SLX4: variants seen among roughly 807,000 people sequenced by gnomAD.
The protein encoded by SLX4 is structure-specific endonuclease subunit SLX4.
In SLX4, 112 loss-of-function variants were observed where a neutral mutation model predicts 146.2. The ratio of observed to expected loss-of-function variants is 0.77; its 90% confidence interval spans 0.66 to 0.90. The LOEUF (loss-of-function observed/expected upper bound fraction) is 0.90. Among genes scored for constraint, SLX4 ranks in the 40% least tolerant of loss-of-function variants. The pLI is 0.00. For missense variants in SLX4, 2,563 were observed against 2,392.7 expected (o/e 1.07, Z -1.49); for synonymous variants, 1,061 against 997.7 (o/e 1.06, Z -1.20).
Position 3,582,345 on chromosome 16 carries a change from GT to G in SLX4, c.5501del (p.Asn1834ThrfsTer49). Reference protein sequence around the residue: ...QPRGKKKVERN With the variant: ...QPRGKKKVERX ...GGGTGGGGTCGGGATGGCCCCATCA[GT>G]TCCGCTCCACCTTCTTCTTGCCCCG... On this transcript the variant is annotated frameshift_variant, in exon 15 of 15. Transcript: ENST00000294008. LOFTEE classifies it high-confidence loss of function. 3 of 1,610,934 alleles carry G rather than the reference GT, an allele frequency of 1.9e-6. No homozygotes were observed. The highest frequency in any genetic ancestry group is 2.5e-6 in the Non-Finnish European group (3 of 1,179,922).
In SLX4 at chr16:3,589,723, T is replaced by G; in HGVS notation, c.3915A>C (p.Ala1305=). The G allele has an allele frequency of 6.2e-7, 1 of 1,613,956 alleles. No homozygotes were observed. The highest frequency in any genetic ancestry group is 1.6e-4 in the Middle Eastern group (1 of 6,062). Residue 1305 remains alanine (A), a synonymous_variant, in exon 12 of 15, where the codon GCA becomes GCC. Coordinates refer to ENST00000294008, the MANE Select transcript of SLX4 (RefSeq NM_032444.4). The surrounding 1 kb of genome is among the most constrained non-coding windows in gnomAD (Gnocchi z 6.2). ...SVGNREGNEV[A]QKFSVIRPQT... ...GGGGCCTGATGACAGAAAACTTCTG[T>G]GCGACTTCGTTCCCTTCCCTGTTTC...
rs773890423 is a variant in SLX4 at position 3,590,472 on chromosome 16, G to T, written c.3166C>A (p.Leu1056Met). The T allele has an allele frequency of 5.0e-6, 8 of 1,614,158 alleles. No homozygotes were observed. The Admixed American group carries it at 1.3e-4, about 27-fold the overall frequency. Residue 1056 changes from leucine to methionine, a missense_variant, in exon 12 of 15, where the codon CTG (leucine) becomes ATG (methionine). Coordinates refer to ENST00000294008, the MANE Select transcript of SLX4 (RefSeq NM_032444.4). This position sits in a 1 kb window ranked among gnomAD's most constrained non-coding sequence, Gnocchi z 4.8. ...CCGCCACGGGACCGGGGTGTTGACAGGGACGACCCACTTGTGTGATGAGAC... is the reference window on the plus strand; with the variant it reads ...CCGCCACGGGACCGGGGTGTTGACATGGACGACCCACTTGTGTGATGAGAC... ...RGSHHTSGSS[L>M]STPRSRGGTS...
intron 1 of SLX4, among the ~76,000 whole-genome samples, chr16:3,611,001 T>G (rs1279315787): frequency 6.6e-6 from 1 of 152,166 alleles, no homozygotes; most frequent in African/African-American, 2.4e-5. Context: ...TCTGTTGATA[T>G]GAACCTCACA....
Position 3,589,509 on chromosome 16 carries a change from A to T in SLX4, c.4129T>A (p.Ser1377Thr), listed in dbSNP as rs1471451210. ...TTCAGGAAGCTTGGCCCAGGCGGCG[A>T]GTGTTTCAGGAACCGCCTGCTGAAG... ...AHFSRRFLKH[S>T]PPGPSFLNQT... The change falls in exon 12 of 15, where the codon TCG becomes ACG. Residue 1377 changes from serine to threonine, a missense_variant. Ser to Thr is a moderately conservative substitution (Grantham distance 58). Coordinates refer to ENST00000294008, the MANE Select transcript of SLX4 (RefSeq NM_032444.4). This position sits in a 1 kb window ranked among gnomAD's most constrained non-coding sequence, Gnocchi z 6.2. The T allele has an allele frequency of 6.2e-7, 1 of 1,609,304 alleles. No homozygotes were observed. The highest frequency in any genetic ancestry group is 1.1e-5 in the South Asian group (1 of 91,026).
At chr16:3,602,957 G>A (rs941049140) in intron 3 of SLX4, among the ~76,000 whole-genome samples, 4 of 152,230 alleles carry the variant, frequency 2.6e-5, no homozygotes, top group Non-Finnish European at 4.4e-5. Context: ...TGCCCTGAAC[G>A]CCTCATAAAT....
rs759412447 is a variant in SLX4 at position 3,582,558 on chromosome 16, C to T, written c.5289G>A (p.Lys1763=). ...GCAGCACCTTCTGGTACAGGGCCGGCTTGGAGCGGATGTAGCACCTCAGCG... is the reference window on the plus strand; with the variant it reads ...GCAGCACCTTCTGGTACAGGGCCGGTTTGGAGCGGATGTAGCACCTCAGCG... ...DEALRCYIRS[K]PALYQKVLLY... The change falls in exon 15 of 15, where the codon AAG becomes AAA. Residue 1763 remains lysine (K), a synonymous_variant. Coordinates refer to ENST00000294008, the MANE Select transcript of SLX4 (RefSeq NM_032444.4). 6.8e-6 allele frequency: 11 copies of T among 1,613,872 alleles called. No individual in the cohort carries two copies. The Middle Eastern group carries it at 4.9e-4, about 73-fold the overall frequency.
chr16:3,599,029 G>C (rs936502050), intron 5 of SLX4, among the ~76,000 whole-genome samples: 1 of 152,164 alleles, frequency 6.6e-6, no homozygotes, highest in Non-Finnish European at 1.5e-5. Flanking sequence ...CCTTCTAAAC[G>C]GATCCACATA....
chr16:3,611,579 C>A lies in SLX4; in HGVS notation c.-622G>T, dbSNP rs1344797779. The A allele has an allele frequency of 1.3e-5, 2 of 152,388 alleles. No homozygotes were observed. The highest frequency in any genetic ancestry group is 2.4e-5 in the African/African-American group (1 of 41,472). 9.4% of individuals were successfully genotyped at this position (152,388 alleles called of 1,614,324 possible). A position where few individuals can be genotyped will look rare whatever the true frequency, so the allele number is the denominator to read the frequency against. On this transcript the variant is annotated 5_prime_UTR_variant, in exon 1 of 15. Coordinates refer to ENST00000294008, the MANE Select transcript of SLX4 (RefSeq NM_032444.4). Reference sequence around the variant, plus strand: ...TCCTACCTCCGGCGCCGCCGCGGCACCTTCTTAACGGAGACTCGCGCGCCT... The same window carrying A: ...TCCTACCTCCGGCGCCGCCGCGGCAACTTCTTAACGGAGACTCGCGCGCCT...
chr16:3,598,121 C>G, intron 5 of SLX4, 122 bp from the exon 6 acceptor site: 1 of 1,093,656 alleles, frequency 9.1e-7, no homozygotes, highest in Non-Finnish European at 1.4e-6. Flanking sequence ...ACCTGCCAGG[C>G]AGATGCGTCC....
In SLX4 at chr16:3,589,267, C is replaced by T. The variant is rs745485209; in HGVS notation, c.4371G>A (p.Arg1457=). 8 of 1,600,984 alleles carry T rather than the reference C, an allele frequency of 5.0e-6. No homozygotes were observed. The East Asian group carries it at 1.6e-4, about 31-fold the overall frequency. ...GPLSTSSPSR[R]MNEAADSRDC... Reference sequence around the variant, plus strand: ...CACGGCTGTCGGCGGCCTCGTTCATCCTGCGGCTGGGGCTGCTGGTGCTCA... The same window carrying T: ...CACGGCTGTCGGCGGCCTCGTTCATTCTGCGGCTGGGGCTGCTGGTGCTCA... The change falls in exon 12 of 15, where the codon AGG becomes AGA. Residue 1457 remains arginine, a synonymous_variant. Coordinates refer to ENST00000294008, the MANE Select transcript of SLX4 (RefSeq NM_032444.4). The surrounding 1 kb of genome is among the most constrained non-coding windows in gnomAD (Gnocchi z 6.2).
chr16:3,584,552 G>A (rs566303614), intron 13 of SLX4, among the ~76,000 whole-genome samples: 53 of 152,324 alleles, frequency 3.5e-4, no homozygotes, highest in African/African-American at 1.2e-3. Context: ...CTGGGGAATG[G>A]TACGCAGAGA....
At position 3,597,261 on chromosome 16, in the gene SLX4, G is replaced by T; in HGVS notation, c.1683+118C>A. ...CCAAGTGCCCCTCTGGCCTCCTCCC[G>T]CCTCTGCCTTTCCTTCCTGGACTTT... On this transcript the variant is annotated intron_variant, in intron 7 of 14. Transcript: ENST00000294008. The surrounding 1 kb of genome is among the most constrained non-coding windows in gnomAD (Gnocchi z 4.4). 1 of 1,216,762 alleles carries T rather than the reference G, an allele frequency of 8.2e-7. No individual in the cohort carries two copies. The allele number at this position is 1,216,762 out of a possible 1,614,324, so 75.4% of individuals were successfully genotyped here.
chr16:3,603,767 C>T (rs1171602005), intron 3 of SLX4, among the ~76,000 whole-genome samples: 4 of 152,224 alleles, frequency 2.6e-5, no homozygotes, highest in African/African-American at 4.8e-5. Context: ...AAGTACACAG[C>T]AGCTATGGGG....
At chr16:3,603,478 A>C (rs55645258) in intron 3 of SLX4, among the ~76,000 whole-genome samples, 9,626 of 152,272 alleles carry the variant, frequency 0.063, 320 homozygotes, top group Admixed American at 0.073. Context: ...CTCCTCTGCA[A>C]CTCACATGTG....
Position 3,608,621 on chromosome 16 carries a change from C to T in SLX4, c.344G>A (p.Ser115Asn), listed in dbSNP as rs760984246. The change falls in exon 2 of 15, where the codon AGC becomes AAC. Residue 115 changes from serine to asparagine, a missense_variant. Transcript: ENST00000294008. The part of the protein sequence containing the change: ...GPAEKKPPSG[S>N]QAPRTKKQRV... Reference sequence around the variant, plus strand: ...TTGCTTTTTAGTCCTAGGGGCCTGGCTGCCAGACGGAGGTTTCTTCTCTGC... The same window carrying T: ...TTGCTTTTTAGTCCTAGGGGCCTGGTTGCCAGACGGAGGTTTCTTCTCTGC... 6.2e-7 allele frequency: 1 copy of T among 1,614,196 alleles called. No individual in the cohort carries two copies. The highest frequency in any genetic ancestry group is 8.5e-7 in the Non-Finnish European group (1 of 1,180,036).
intron 13 of SLX4, among the ~76,000 whole-genome samples, 179 bp from the exon 14 acceptor site, chr16:3,583,689 C>T (rs1459773162): frequency 6.6e-6 from 1 of 152,194 alleles, no homozygotes; most frequent in Non-Finnish European, 1.5e-5. Context: ...GCCAACTAAG[C>T]TTACTCTGAA....
At chr16:3,593,305 C>G (rs574338302) in intron 10 of SLX4, among the ~76,000 whole-genome samples, 14 of 152,298 alleles carry the variant, frequency 9.2e-5, no homozygotes, top group African/African-American at 3.4e-4. Flanking sequence ...AACTCCTGAC[C>G]TCAGGTGATC....
rs769611501 is a variant in SLX4, at chr16:3,590,057, A to C, written c.3581T>G (p.Ile1194Ser). 5.6e-6 allele frequency: 9 copies of C among 1,614,070 alleles called. No individual in the cohort carries two copies. The South Asian group carries it at 9.9e-5, about 18-fold the overall frequency. ...TTCCTGATCTGCATCAACATCAATG[A>C]TGGAAAACAGCTCACAGGACCTAGG... The part of the protein sequence containing the change: ...ISPRSCELFS[I>S]IDVDADQEPS... The change falls in exon 12 of 15, where the codon ATC becomes AGC. Residue 1194 changes from isoleucine (I) to serine (S), a missense_variant. Coordinates refer to ENST00000294008, the MANE Select transcript of SLX4 (RefSeq NM_032444.4). The surrounding 1 kb of genome is among the most constrained non-coding windows in gnomAD (Gnocchi z 4.8).
chr16:3,602,445 G>T, intron 3 of SLX4, 138 bp from the exon 4 acceptor site: 2 of 993,738 alleles, frequency 2.0e-6, no homozygotes, highest in Non-Finnish European at 3.1e-6. Flanking sequence ...CACTCTGCAG[G>T]CTGGTGACTT....
Sources: allele counts gnomAD v4.1 joint callset (sites outside exome capture counted in the v4.1 genomes callset), GRCh38; gene constraint gnomAD v4.1.1; non-coding constraint Gnocchi (gnomAD v3.1); transcripts MANE v1.5; gene names NCBI Gene and HGNC (gene_info 2026-07-23, HGNC 2026-07-21).